SEC11A: variants seen among roughly 807,000 people sequenced by gnomAD.
SEC11A encodes the protein signal peptidase complex catalytic subunit SEC11A.
SEC11A carries 14 observed loss-of-function variants against 25.6 expected under a neutral mutation model. That is an observed-to-expected ratio of 0.55 (90% CI 0.36 to 0.85). SEC11A has a LOEUF of 0.85. Ranked by LOEUF, SEC11A falls within the 40% of genes least tolerant of loss-of-function variation. The pLI, the probability that SEC11A is intolerant of heterozygous loss-of-function variation, is 0.01. For synonymous variants in SEC11A, 83 were observed against 76.4 expected (o/e 1.09, Z -0.45); for missense variants, 153 against 222.9 (o/e 0.69, Z 2.00).
intron 3 of SEC11A, among the ~76,000 whole-genome samples, chr15:84,687,288 G>A (rs1488501220): frequency 6.6e-6 from 1 of 152,156 alleles, no homozygotes; most frequent in Non-Finnish European, 1.5e-5. Context: ...TACTGGGATT[G>A]TAGGCGTGAG....
intron 2 of SEC11A, among the ~76,000 whole-genome samples, 183 bp downstream of exon 2, chr15:84,691,352 G>A (rs1437547784): frequency 6.6e-6 from 1 of 152,118 alleles, no homozygotes; most frequent in Admixed American, 6.6e-5. Context: ...GGGATTACAG[G>A]CATAAGCCAC....
chr15:84,691,572 T>C lies in SEC11A; in HGVS notation c.124A>G (p.Ile42Val). The change falls in exon 2 of 6, where the codon ATA becomes GTA. Residue 42 changes from isoleucine (I) to valine (V), a missense_variant. Transcript: ENST00000268220. Reference protein sequence around the residue: ...ALMIWKGLMVITGSESPIVVV... With the variant: ...ALMIWKGLMVVTGSESPIVVV... ...ACAATCGGACTTTCACTTCCAGTTA[T>C]TACCATTAACCCCTTCCAGATCATT... 2 of 1,612,376 alleles carry C rather than the reference T, an allele frequency of 1.2e-6. No homozygotes were observed. The highest frequency in any genetic ancestry group is 8.5e-7 in the Non-Finnish European group (1 of 1,178,878).
At position 84,680,787 on chromosome 15, in the gene SEC11A, C is replaced by G; in HGVS notation, c.357G>C (p.Ala119=). Residue 119 remains alanine, a synonymous_variant, in exon 4 of 6, where the codon GCG becomes GCC. Coordinates refer to ENST00000268220, the MANE Select transcript of SEC11A (RefSeq NM_014300.4). ...IKFLTKGDNN[A]VDDRGLYKQG... is the part of the protein sequence containing the mutation. ...GTTTATAGAGGCCTCGGTCATCAAC[C>G]GCATTATTATCTCCTTTGGTCAAAA... 6.2e-7 allele frequency: 1 copy of G among 1,611,672 alleles called. No homozygotes were observed. The highest frequency in any genetic ancestry group is 8.5e-7 in the Non-Finnish European group (1 of 1,178,308).
intron 1 of SEC11A, among the ~76,000 whole-genome samples, chr15:84,713,809 C>T (rs888595012): frequency 6.6e-6 from 1 of 152,112 alleles, no homozygotes; most frequent in African/African-American, 2.4e-5. Context: ...TATTGGAATG[C>T]TAACCAACCC....
At chr15:84,704,616 T>G (rs972162011) in intron 1 of SEC11A, among the ~76,000 whole-genome samples, 1 of 152,154 alleles carries the variant, frequency 6.6e-6, no homozygotes, top group Non-Finnish European at 1.5e-5. Flanking sequence ...GGTCTGTGTG[T>G]TGGAAGCCTG....
chr15:84,681,911 T>C (rs1897291537), intron 3 of SEC11A, among the ~76,000 whole-genome samples: 1 of 151,770 alleles, frequency 6.6e-6, no homozygotes, highest in Non-Finnish European at 1.5e-5. Context: ...AAGCAAAAAA[T>C]ACAAAAAAAT....
In SEC11A at chr15:84,700,943, G is replaced by A. The variant is rs577148959; in HGVS notation, c.52-9299C>T. Among the ~76,000 whole-genome samples the A allele has an allele frequency of 8.3e-4, 110 of 133,074 alleles. 1 individual carries two copies. Among genetic ancestry groups the A allele is most frequent in the Non-Finnish European group, 2.0e-4 (13 of 65,790 alleles). The allele number at this position is 133,074 out of a possible 152,430, so 87.3% of individuals were successfully genotyped here. A position where few individuals can be genotyped will look rare whatever the true frequency, so the allele number is the denominator to read the frequency against. ...TGCAGTAAGCCGACATCACGCCATT[G>A]CATGTACTCCTACCTGGGCAACAAG... On this transcript the variant is annotated intron_variant, in intron 1 of 5. Coordinates refer to ENST00000268220, the MANE Select transcript of SEC11A (RefSeq NM_014300.4).
rs1423781324 is a variant in SEC11A, at chr15:84,680,727, C to G, written c.417G>C (p.Val139=). 6.2e-7 allele frequency: 1 copy of G among 1,612,048 alleles called. No homozygotes were observed. Among genetic ancestry groups the G allele is most frequent in the African/African-American group, 1.3e-5 (1 of 75,002 alleles). ...TCTATACTTACCCCCTGGCTCTCCC[C>G]ACAACATCTTTTTTCTCTAGCCAAT... ...GQHWLEKKDV[V]GRARGFVPYI... The change falls in exon 4 of 6, where the codon GTG becomes GTC. Residue 139 remains valine, a synonymous_variant. Transcript: ENST00000268220.
intron 3 of SEC11A, among the ~76,000 whole-genome samples, chr15:84,684,405 C>T (rs11638290): frequency 0.2 from 30,587 of 151,934 alleles, 3,878 homozygotes; most frequent in Middle Eastern, 0.36. Context: ...TCTTGCCTGC[C>T]GACATGTACA....
chr15:84,695,589 C>T (rs1235091290), intron 1 of SEC11A, among the ~76,000 whole-genome samples: 1 of 152,128 alleles, frequency 6.6e-6, no homozygotes, highest in Non-Finnish European at 1.5e-5. Flanking sequence ...TATGATTGCC[C>T]CACTGCATTC....
intron 1 of SEC11A, among the ~76,000 whole-genome samples, chr15:84,710,775 A>G (rs1898236440): frequency 6.6e-6 from 1 of 152,224 alleles, no homozygotes; most frequent in South Asian, 2.1e-4. Context: ...AACTCTAAAT[A>G]GGTTTTTCTG....
At position 84,684,361 on chromosome 15, in the gene SEC11A, G is replaced by A. The variant is rs765044607; in HGVS notation, c.311+3264C>T. ...GTGAATAAGTCTCATGAGATCCAAT[G>A]GTTTTATAAATGGGAGATCCCCTGC... On this transcript the variant is annotated intron_variant, in intron 3 of 5. Transcript: ENST00000268220. 6.6e-5 allele frequency among the ~76,000 whole-genome samples: 10 copies of A among 152,070 alleles called. 1 individual carries two copies. Among genetic ancestry groups the A allele is most frequent in the Admixed American group, 3.9e-4 (6 of 15,258 alleles).
At chr15:84,686,836 C>A (rs1197934558) in intron 3 of SEC11A, 1 of 151,740 alleles carries the variant, frequency 6.6e-6, no homozygotes, top group Non-Finnish European at 1.5e-5. Context: ...TTAGCTGGGA[C>A]TACAGGCACA....
intron 3 of SEC11A, among the ~76,000 whole-genome samples, chr15:84,681,379 C>G (rs1233358234): frequency 6.6e-6 from 1 of 152,040 alleles, no homozygotes; most frequent in East Asian, 1.9e-4. Flanking sequence ...CCTGTAATCC[C>G]AGCACTTTGG....
At chr15:84,695,169 A>G (rs1188859362) in intron 1 of SEC11A, among the ~76,000 whole-genome samples, 6 of 151,434 alleles carry the variant, frequency 4.0e-5, no homozygotes, top group Non-Finnish European at 5.9e-5. Context: ...TGATTAAAAA[A>G]AAATATCCAG....
At position 84,716,023 on chromosome 15, in the gene SEC11A, A is replaced by G; in HGVS notation, c.51+2T>C. 1 of 1,611,926 alleles carries G rather than the reference A, an allele frequency of 6.2e-7. No individual in the cohort carries two copies. The highest frequency in any genetic ancestry group is 2.2e-5 in the East Asian group (1 of 44,810). On this transcript the variant is annotated splice_donor_variant, in intron 1 of 5. Coordinates refer to ENST00000268220, the MANE Select transcript of SEC11A (RefSeq NM_014300.4). LOFTEE classifies it high-confidence loss of function. ...GGAGAAAAAGAGGACGGACAAGCTCACCTGCCGCTTGTTCATCCGCCGCAC... is the reference window on the plus strand; with the variant it reads ...GGAGAAAAAGAGGACGGACAAGCTCGCCTGCCGCTTGTTCATCCGCCGCAC...
chr15:84,715,908 C>CTGAG (rs1249429776), intron 1 of SEC11A, 117 bp downstream of exon 1: 1 of 920,150 alleles, frequency 1.1e-6, no homozygotes. Flanking sequence ...AGCGAATGAC[C>CTGAG]CGGGTATCAG....
chr15:84,687,987 A>G (rs933677662), intron 2 of SEC11A, among the ~76,000 whole-genome samples: 20 of 152,228 alleles, frequency 1.3e-4, no homozygotes, highest in Non-Finnish European at 2.4e-4. Context: ...ATTAACCTTC[A>G]CTAACTAGTT....
At chr15:84,702,021 C>G (rs918811863) in intron 1 of SEC11A, among the ~76,000 whole-genome samples, 4 of 150,256 alleles carry the variant, frequency 2.7e-5, no homozygotes, top group Non-Finnish European at 5.9e-5. Context: ...GAACCGAGAT[C>G]GTGCCACTGC....
Sources: allele counts gnomAD v4.1 joint callset (sites outside exome capture counted in the v4.1 genomes callset), GRCh38; gene constraint gnomAD v4.1.1; transcripts MANE v1.5; gene names NCBI Gene and HGNC (gene_info 2026-07-23, HGNC 2026-07-21).